SPOCK1: variants seen among roughly 807,000 people sequenced by gnomAD.
SPOCK1 encodes SPARC (osteonectin), cwcv and kazal like domains proteoglycan 1, also known as testican-1.
A neutral mutation model predicts 55.3 loss-of-function variants in SPOCK1; 23 were observed. That is an observed-to-expected ratio of 0.42 (90% confidence interval 0.30 to 0.59). SPOCK1 has a LOEUF of 0.59. SPOCK1 is among the 20% of genes least tolerant of loss of function. The probability of loss-of-function intolerance (pLI) is 0.22; values close to 1 mark genes in which losing one functional copy is unlikely to be tolerated. For missense variants in SPOCK1, 499 were observed against 552.5 expected (o/e 0.90, Z 0.97); for synonymous variants, 226 against 221.0 (o/e 1.02, Z -0.20).
intron 3 of SPOCK1, among the ~76,000 whole-genome samples, chr5:137,219,050 A>G (rs1443229368): frequency 1.3e-5 from 2 of 152,186 alleles, no homozygotes; most frequent in East Asian, 3.9e-4. Flanking sequence ...CCTGTTTTAT[A>G]CAAAGCTCTC....
At chr5:137,446,123 T>C (rs2149833365) in intron 2 of SPOCK1, among the ~76,000 whole-genome samples, 1 of 152,236 alleles carries the variant, frequency 6.6e-6, no homozygotes, top group South Asian at 2.1e-4. Flanking sequence ...CTCCACAATA[T>C]CCCTTTGGAC....
intron 2 of SPOCK1, among the ~76,000 whole-genome samples, chr5:137,471,323 ATC>A (rs2149839647): frequency 6.6e-6 from 1 of 152,240 alleles, no homozygotes; most frequent in African/African-American, 2.4e-5. Context: ...GTGTATTTTT[ATC>A]TTTTTTTGTT....
intron 5 of SPOCK1, among the ~76,000 whole-genome samples, chr5:137,100,966 G>T (rs1580750722): frequency 6.6e-6 from 1 of 152,080 alleles, no homozygotes; most frequent in African/African-American, 2.4e-5. Flanking sequence ...ACAACTCATG[G>T]TAAGTCCCAA....
intron 2 of SPOCK1, among the ~76,000 whole-genome samples, chr5:137,497,988 G>A (rs1231451255): frequency 6.6e-6 from 1 of 152,018 alleles, no homozygotes; most frequent in African/African-American, 2.4e-5. Context: ...CCGCTGCCCC[G>A]GGGAGGTTTT....
chr5:137,070,063 C>T (rs1036669527), intron 5 of SPOCK1, among the ~76,000 whole-genome samples: 1 of 152,174 alleles, frequency 6.6e-6, no homozygotes, highest in Non-Finnish European at 1.5e-5. Flanking sequence ...CACATGCTCA[C>T]TCCAACCAGT....
chr5:137,046,407 A>G (rs2126994931), intron 6 of SPOCK1, among the ~76,000 whole-genome samples: 1 of 152,050 alleles, frequency 6.6e-6, no homozygotes, highest in East Asian at 1.9e-4. Context: ...CTTTGAAGCA[A>G]TTGTGAATGG....
intron 4 of SPOCK1, among the ~76,000 whole-genome samples, chr5:137,122,742 ATT>A (rs1753709918): frequency 6.6e-6 from 1 of 152,250 alleles, no homozygotes. Flanking sequence ...ATTCCAGCTA[ATT>A]GTAGGCTCAG....
intron 8 of SPOCK1, 65 bp downstream of exon 8, chr5:136,988,357 C>T (rs1750881627): frequency 2.3e-6 from 3 of 1,313,124 alleles, no homozygotes; most frequent in African/African-American, 2.9e-5. Flanking sequence ...TAGTCATACG[C>T]AGTCCTCCTC....
intron 2 of SPOCK1, among the ~76,000 whole-genome samples, chr5:137,402,161 T>C (rs971892107): frequency 4.6e-5 from 7 of 152,162 alleles, no homozygotes; most frequent in Non-Finnish European, 1.0e-4. Flanking sequence ...AAACCTGTCG[T>C]GTCTTGAAGA....
intron 6 of SPOCK1, among the ~76,000 whole-genome samples, chr5:137,028,176 TCC>T (rs892644471): frequency 1.1e-4 from 17 of 152,064 alleles, no homozygotes; most frequent in African/African-American, 3.9e-4. Flanking sequence ...GCAAGCTGCT[TCC>T]CCAGGGACAC....
At chr5:137,445,534 A>C (rs1017141417) in intron 2 of SPOCK1, among the ~76,000 whole-genome samples, 1 of 152,220 alleles carries the variant, frequency 6.6e-6, no homozygotes, top group African/African-American at 2.4e-5. Context: ...AGTATCATAC[A>C]AGTGTAAATG....
intron 2 of SPOCK1, among the ~76,000 whole-genome samples, chr5:137,317,731 C>T (rs1757905658): frequency 6.6e-6 from 1 of 152,196 alleles, no homozygotes; most frequent in Non-Finnish European, 1.5e-5. Context: ...AAGGCCACCT[C>T]CTTCCTCCAG....
chr5:137,464,920 G>A (rs945563789), intron 2 of SPOCK1, among the ~76,000 whole-genome samples: 7 of 152,136 alleles, frequency 4.6e-5, no homozygotes, highest in African/African-American at 1.7e-4. Flanking sequence ...AGAGGTCTGA[G>A]GACAGAACCC....
chr5:137,275,967 C>T (rs892484340), intron 2 of SPOCK1, among the ~76,000 whole-genome samples: 2 of 152,222 alleles, frequency 1.3e-5, no homozygotes, highest in African/African-American at 2.4e-5. Flanking sequence ...TAACCAGCCT[C>T]CCTGCCTCCC....
intron 2 of SPOCK1, among the ~76,000 whole-genome samples, chr5:137,402,116 G>A (rs145236881): frequency 5.8e-4 from 88 of 152,260 alleles, no homozygotes; most frequent in African/African-American, 2.1e-3. Context: ...CTTCAGGCCA[G>A]CACCAAAAAG....
At chr5:137,132,798 T>TTTG (rs959283783) in intron 4 of SPOCK1, among the ~76,000 whole-genome samples, 34 of 152,120 alleles carry the variant, frequency 2.2e-4, no homozygotes, top group African/African-American at 6.8e-4. Flanking sequence ...TTTGTTGTTT[T>TTTG]TTGTTGTTGT....
At chr5:137,121,754 T>C (rs1387061173) in intron 4 of SPOCK1, among the ~76,000 whole-genome samples, 1 of 146,828 alleles carries the variant, frequency 6.8e-6, no homozygotes, top group Non-Finnish European at 1.5e-5. Flanking sequence ...TGTGTGTGTA[T>C]GTATTTTATA....
chr5:137,245,052 C>A (rs1756369160), intron 3 of SPOCK1, among the ~76,000 whole-genome samples: 1 of 152,104 alleles, frequency 6.6e-6, no homozygotes, highest in Middle Eastern at 3.4e-3. Context: ...TCAAAATAAT[C>A]CTCTACAGAT....
chr5:137,395,968 C>T (rs1751840316), intron 2 of SPOCK1, among the ~76,000 whole-genome samples: 1 of 152,226 alleles, frequency 6.6e-6, no homozygotes, highest in Non-Finnish European at 1.5e-5. Flanking sequence ...TAATGGCACC[C>T]ATTCGTAACT....
Sources: allele counts gnomAD v4.1 joint callset (sites outside exome capture counted in the v4.1 genomes callset), GRCh38; gene constraint gnomAD v4.1.1; transcripts MANE v1.5; gene names NCBI Gene and HGNC (gene_info 2026-07-23, HGNC 2026-07-21).